TMEM44: variants seen among roughly 807,000 people sequenced by gnomAD.
The protein encoded by TMEM44 is transmembrane protein 44.
Under a neutral mutation model 47.8 loss-of-function variants are expected in TMEM44, and 43 were observed. That is an observed-to-expected ratio of 0.90 (90% CI 0.70 to 1.16). The LOEUF (loss-of-function observed/expected upper bound fraction) is 1.16, where lower values mean the gene tolerates loss of function less well. Ranked by LOEUF, TMEM44 falls within the 50% of genes most tolerant of loss-of-function variation. The pLI is 0.00. For missense variants in TMEM44, 568 were observed against 555.2 expected, an observed-to-expected ratio of 1.02 and a Z score of -0.23; for synonymous variants, 277 against 238.8, an observed-to-expected ratio of 1.16 and a Z score of -1.48.
At chr3:194,631,355 A>G (rs1228460532) in intron 1 of TMEM44, among the ~76,000 whole-genome samples, 2 of 150,610 alleles carry the variant, frequency 1.3e-5, no homozygotes, top group Non-Finnish European at 2.9e-5. Flanking sequence ...TCCACTCAGC[A>G]GAGGGTGGTG....
Position 194,611,371 on chromosome 3 carries a change from C to T in TMEM44, c.913-351G>A, listed in dbSNP as rs1715306515. 6.6e-6 allele frequency among the ~76,000 whole-genome samples: 1 copy of T among 152,094 alleles called. No homozygotes were observed. The highest frequency in any genetic ancestry group is 1.5e-5 in the Non-Finnish European group (1 of 68,018). On this transcript the variant is annotated intron_variant, in intron 7 of 9. Coordinates refer to ENST00000347147, the MANE Select transcript of TMEM44 (RefSeq NM_001011655.3). This position sits in a 1 kb window ranked among gnomAD's most constrained non-coding sequence, Gnocchi z 4.2. ...CCTCCCACCTCGGCCTCCCAAAGTG[C>T]TGGGATGACAGGCGTGAGCCACCAC...
Position 194,617,258 on chromosome 3 carries a change from C to A in TMEM44, c.624G>T (p.Lys208Asn). The part of the protein sequence containing the change: ...IPPLSRICRG[K>N]TFPSIHLWTR... ...TCCACAGGTGGATGGAGGGAAATGT[C>A]TTCCCCCGGCACTGGGCAGAGAGAG... The change falls in exon 6 of 10, where the codon AAG (lysine) becomes AAT (asparagine). Residue 208 changes from lysine to asparagine, a missense_variant. By Grantham distance (94) the Lys-to-Asn change is moderately conservative (BLOSUM62 0). Coordinates refer to ENST00000347147, the MANE Select transcript of TMEM44 (RefSeq NM_001011655.3). 6.6e-7 allele frequency: 1 copy of A among 1,506,150 alleles called. No homozygotes were observed. Among genetic ancestry groups the A allele is most frequent in the South Asian group, 1.2e-5 (1 of 82,068 alleles). The allele number at this position is 1,506,150 out of a possible 1,614,324, so 93.3% of individuals were successfully genotyped here.
intron 5 of TMEM44, 150 bp from the exon 6 acceptor site, chr3:194,617,419 A>G: frequency 1.0e-6 from 1 of 959,554 alleles, no homozygotes; most frequent in East Asian, 2.8e-5. Context: ...CTTTTGCTCG[A>G]GTTGCTTCTT....
At chr3:194,618,553 ATAGTT>A (rs1469651002) in intron 5 of TMEM44, among the ~76,000 whole-genome samples, 2 of 123,190 alleles carry the variant, frequency 1.6e-5, no homozygotes, top group East Asian at 5.2e-4. Context: ...TAAATTATAT[ATAGTT>A]AAGTTTATAT....
Position 194,588,406 on chromosome 3 carries a change from G to T in TMEM44, c.*123C>A, listed in dbSNP as rs114329606. The T allele has an allele frequency of 6.3e-4, 503 of 792,928 alleles. 5 individuals carry two copies. In the African/African-American group the frequency reaches 7.9e-3, roughly 12 times the overall value. 49.1% of individuals were successfully genotyped at this position (792,928 alleles called of 1,614,324 possible). ...CAGCCACACTCAGTGACGGCTCCTG[G>T]TTCCTCACTTGCCAGGGCAGCTTCA... is the stretch of plus-strand genomic sequence containing the variant. On this transcript the variant is annotated 3_prime_UTR_variant, in exon 10 of 10. Coordinates refer to ENST00000347147, the MANE Select transcript of TMEM44 (RefSeq NM_001011655.3).
At chr3:194,594,167 A>ATCTATC (rs1713127328) in intron 9 of TMEM44, among the ~76,000 whole-genome samples, 2 of 46,958 alleles carry the variant, frequency 4.3e-5, no homozygotes, top group African/African-American at 4.5e-5. Context: ...ATCTATCTAT[A>ATCTATC]TCTATCTATC....
rs1161448880 is a variant in TMEM44 at position 194,611,252 on chromosome 3, CT to C, written c.913-233del. The stretch of plus-strand genomic sequence containing the variant: ...CAACACAGTAGAATCAGCTAGGAAT[CT>C]TTTTTATTTTATTTTATTTTTTGTA... On this transcript the variant is annotated intron_variant, in intron 7 of 9. Transcript: ENST00000347147. The surrounding 1 kb of genome is among the most constrained non-coding windows in gnomAD (Gnocchi z 4.2). Among the ~76,000 whole-genome samples the C allele has an allele frequency of 1.3e-5, 2 of 152,094 alleles. No homozygotes were observed. The highest frequency in any genetic ancestry group is 3.8e-4 in the East Asian group (2 of 5,198).
chr3:194,614,543 A>G (rs1715677072), intron 7 of TMEM44, among the ~76,000 whole-genome samples: 1 of 152,144 alleles, frequency 6.6e-6, no homozygotes, highest in Non-Finnish European at 1.5e-5. Context: ...AGCTGGGACT[A>G]CAGGCACACA....
intron 2 of TMEM44, among the ~76,000 whole-genome samples, chr3:194,627,122 C>T (rs1453977047): frequency 1.3e-5 from 2 of 152,196 alleles, no homozygotes; most frequent in Non-Finnish European, 2.9e-5. Flanking sequence ...GTCTTGATCT[C>T]CTGACCTCAG....
chr3:194,604,002 C>G (rs2410961), intron 9 of TMEM44, among the ~76,000 whole-genome samples: 1 of 151,548 alleles, frequency 6.6e-6, no homozygotes, highest in African/African-American at 2.4e-5. Flanking sequence ...AACAGGTGGC[C>G]GCCACTACAC....
chr3:194,588,337 G>A lies in TMEM44; in HGVS notation c.*192C>T, dbSNP rs374239934. ...ATGCTGGGCCTATCCAGGTCTGTCC[G>A]CAGTACCCAAAGTCGTAGCTCCGTG... On this transcript the variant is annotated 3_prime_UTR_variant, in exon 10 of 10. Coordinates refer to ENST00000347147, the MANE Select transcript of TMEM44 (RefSeq NM_001011655.3). 2.2e-5 allele frequency: 13 copies of A among 580,924 alleles called. No homozygotes were observed. Among genetic ancestry groups the A allele is most frequent in the Non-Finnish European group, 3.4e-5 (11 of 327,570 alleles). The allele number at this position is 580,924 out of a possible 1,614,324, so 36.0% of individuals were successfully genotyped here.
chr3:194,617,579 A>C lies in TMEM44; in HGVS notation c.613-310T>G, dbSNP rs182224149. On this transcript the variant is annotated intron_variant, in intron 5 of 9. Coordinates refer to ENST00000347147, the MANE Select transcript of TMEM44 (RefSeq NM_001011655.3). ...TCCAGCGGAGTACCTTTGATTGATC[A>C]TGACTCAGCTCTTTACACAGTCAGA... 1.2e-4 allele frequency: 83 copies of C among 683,194 alleles called. 1 individual carries two copies. The highest frequency in any genetic ancestry group is 1.9e-4 in the Non-Finnish European group (70 of 376,472). The allele number at this position is 683,194 out of a possible 1,614,324, so 42.3% of individuals were successfully genotyped here.
intron 1 of TMEM44, among the ~76,000 whole-genome samples, chr3:194,629,727 C>A (rs1360499611): frequency 3.2e-4 from 36 of 112,214 alleles, no homozygotes; most frequent in South Asian, 1.7e-3. Flanking sequence ...ACCTGCCTCC[C>A]GGAGGGGCTG....
chr3:194,607,192 G>C (rs903731260), intron 8 of TMEM44, among the ~76,000 whole-genome samples: 11 of 151,944 alleles, frequency 7.2e-5, no homozygotes, highest in African/African-American at 2.7e-4. Context: ...GAAAGAGCCT[G>C]GCACCCCTTC....
At chr3:194,617,447 A>G in intron 5 of TMEM44, 178 bp from the exon 6 acceptor site, 1 of 766,730 alleles carries the variant, frequency 1.3e-6, no homozygotes, top group Non-Finnish European at 2.1e-6. Flanking sequence ...TCAAACTCCT[A>G]CTCATCCCTC....
At chr3:194,607,573 C>T (rs1714907585) in intron 8 of TMEM44, among the ~76,000 whole-genome samples, 2 of 152,140 alleles carry the variant, frequency 1.3e-5, no homozygotes, top group South Asian at 2.1e-4. Context: ...GAATCCGGTT[C>T]TATCACTGAC....
intron 9 of TMEM44, among the ~76,000 whole-genome samples, chr3:194,596,659 C>T (rs1445759056): frequency 2.6e-5 from 4 of 152,064 alleles, no homozygotes; most frequent in Non-Finnish European, 5.9e-5. Flanking sequence ...GGCGTGGTGG[C>T]GCATGCCTGT....
intron 9 of TMEM44, among the ~76,000 whole-genome samples, chr3:194,599,550 A>G (rs1372578042): frequency 6.8e-6 from 1 of 147,730 alleles, no homozygotes; most frequent in African/African-American, 2.5e-5. Context: ...CATTTTTTAC[A>G]CTTCGCAAAT....
Position 194,633,153 on chromosome 3 carries a change from G to A in TMEM44, c.63C>T (p.Phe21=). ...AGGAGATGCAGACGCGGTGGCGGGC[G>A]AAGCAGCGGTCCAGGTAGTCCCAGT... The part of the protein sequence containing the change: ...LWDWDYLDRC[F]ARHRVCISFG... The change falls in exon 1 of 10, where the codon TTC becomes TTT. Residue 21 remains phenylalanine, a synonymous_variant. Coordinates refer to ENST00000347147, the MANE Select transcript of TMEM44 (RefSeq NM_001011655.3). 1.3e-6 allele frequency: 2 copies of A among 1,549,242 alleles called. No homozygotes were observed. The highest frequency in any genetic ancestry group is 1.2e-5 in the South Asian group (1 of 84,046).
Sources: allele counts gnomAD v4.1 joint callset (sites outside exome capture counted in the v4.1 genomes callset), GRCh38; gene constraint gnomAD v4.1.1; non-coding constraint Gnocchi (gnomAD v3.1); transcripts MANE v1.5; gene names NCBI Gene and HGNC (gene_info 2026-07-23, HGNC 2026-07-21).